FRMD5: variants seen among roughly 807,000 people sequenced by gnomAD.
FRMD5 encodes the protein FERM domain containing 5.
Under a neutral mutation model 69.0 loss-of-function variants are expected in FRMD5, and 20 were observed. The observed-to-expected ratio is 0.29, with a 90% CI of 0.20 to 0.42. FRMD5 has a LOEUF of 0.42. FRMD5 is among the 10% of genes least tolerant of loss of function. The probability of loss-of-function intolerance (pLI) is 1.00; values close to 1 mark genes in which losing one functional copy is unlikely to be tolerated. For synonymous variants in FRMD5, 271 were observed against 260.1 expected, an observed-to-expected ratio of 1.04 and a Z score of -0.40; for missense variants, 595 against 708.6, an observed-to-expected ratio of 0.84 and a Z score of 1.82.
At chr15:43,929,222 C>A (rs1166679756) in intron 1 of FRMD5, among the ~76,000 whole-genome samples, 1 of 152,132 alleles carries the variant, frequency 6.6e-6, no homozygotes, top group Non-Finnish European at 1.5e-5. Context: ...ACTGAGGTAG[C>A]AAGCAGTAAG....
intron 1 of FRMD5, among the ~76,000 whole-genome samples, chr15:44,194,009 C>T (rs985682774): frequency 6.6e-6 from 1 of 152,184 alleles, no homozygotes; most frequent in African/African-American, 2.4e-5. Context: ...CGGCGATGAG[C>T]GCAGGATCCT....
rs576866359 is a variant in FRMD5 at position 44,116,222 on chromosome 15, T to G, written c.102+78731A>C. 3.7e-4 allele frequency among the ~76,000 whole-genome samples: 56 copies of G among 149,362 alleles called. 1 individual carries two copies. In the East Asian group the frequency reaches 9.7e-3, roughly 26 times the overall value. On this transcript the variant is annotated intron_variant, in intron 1 of 13. Coordinates refer to ENST00000417257, the MANE Select transcript of FRMD5 (RefSeq NM_032892.5). ...CATATATAACTATATATATTATATA[T>G]ATATAGAGAGAGAGAGAGAGGGAGA...
chr15:43,991,210 A>G (rs1889660077), intron 1 of FRMD5, among the ~76,000 whole-genome samples: 2 of 152,330 alleles, frequency 1.3e-5, no homozygotes, highest in South Asian at 4.1e-4. Context: ...ATTTTTGAGC[A>G]CTGTACTTAA....
intron 1 of FRMD5, among the ~76,000 whole-genome samples, chr15:44,000,509 G>A (rs1255749480): frequency 2.0e-5 from 3 of 151,542 alleles, no homozygotes; most frequent in Non-Finnish European, 2.9e-5. Flanking sequence ...CCCCAGGCTG[G>A]AGTGCAGTGT....
chr15:44,047,273 C>T (rs1489523561), intron 1 of FRMD5, among the ~76,000 whole-genome samples: 3 of 152,008 alleles, frequency 2.0e-5, no homozygotes, highest in Admixed American at 6.6e-5. Context: ...CGTGCCACTG[C>T]ACTCCAGCCT....
chr15:43,955,079 T>C (rs565162920), intron 1 of FRMD5, among the ~76,000 whole-genome samples: 5 of 152,358 alleles, frequency 3.3e-5, no homozygotes, highest in African/African-American at 1.2e-4. Flanking sequence ...GCCTTTGATG[T>C]ATCTTGCTAA....
intron 13 of FRMD5, among the ~76,000 whole-genome samples, chr15:43,882,021 TCTG>T (rs1420255362): frequency 1.3e-5 from 2 of 152,124 alleles, no homozygotes; most frequent in African/African-American, 4.8e-5. Context: ...ATGAACCAAT[TCTG>T]CTGTTTCCCG....
At chr15:43,887,467 G>T (rs976828629) in intron 10 of FRMD5, among the ~76,000 whole-genome samples, 1 of 152,218 alleles carries the variant, frequency 6.6e-6, no homozygotes, top group African/African-American at 2.4e-5. Context: ...AGTCTCCCGA[G>T]TATATTCAGG....
chr15:43,951,988 G>C (rs2090040619), intron 1 of FRMD5, among the ~76,000 whole-genome samples: 1 of 114,280 alleles, frequency 8.8e-6, no homozygotes, highest in Non-Finnish European at 1.7e-5. Flanking sequence ...TGTTGTGTGT[G>C]TGTGTGTGTG....
At chr15:43,951,983 TGTGTGTGTGTGTGTGTCTGTGTGTGTGTG>T (rs2090039967) in intron 1 of FRMD5, among the ~76,000 whole-genome samples, 1 of 139,150 alleles carries the variant, frequency 7.2e-6, no homozygotes, top group African/African-American at 2.8e-5. Flanking sequence ...GTGTGTGTTG[TGTGTGTGTGTGTGTGTCTGTGTGTGTGTG>T]TGTGTGTGTG....
intron 1 of FRMD5, among the ~76,000 whole-genome samples, chr15:44,037,150 C>G (rs1198284678): frequency 6.6e-6 from 1 of 152,120 alleles, no homozygotes; most frequent in African/African-American, 2.4e-5. Context: ...CCCCCAACCC[C>G]CGACAGGCCC....
intron 13 of FRMD5, among the ~76,000 whole-genome samples, 189 bp downstream of exon 13, chr15:43,883,514 G>A (rs1032334867): frequency 6.6e-6 from 1 of 152,200 alleles, no homozygotes; most frequent in Non-Finnish European, 1.5e-5. Context: ...CTCCTGCTTA[G>A]ATACCCACAC....
intron 1 of FRMD5, among the ~76,000 whole-genome samples, chr15:43,949,010 T>A (rs2089987513): frequency 6.6e-6 from 1 of 152,214 alleles, no homozygotes; most frequent in Non-Finnish European, 1.5e-5. Flanking sequence ...AATCTAGAAT[T>A]TGGGGACCTC....
chr15:44,148,377 T>C (rs2077389418), intron 1 of FRMD5, among the ~76,000 whole-genome samples: 2 of 152,032 alleles, frequency 1.3e-5, no homozygotes, highest in South Asian at 2.1e-4. Context: ...GTTCACGCCA[T>C]TCTCCTGCCT....
rs201700276 is a variant in FRMD5 at position 43,873,937 on chromosome 15, C to T, written c.1661G>A (p.Arg554Gln). Residue 554 changes from arginine to glutamine, a missense_variant, in exon 14 of 14, where the codon CGA becomes CAA. Physicochemically the swap from Arg to Gln is conservative, Grantham distance 43. Around this residue, in one of 5 missense-constraint regions of FRMD5, gnomAD observed 245 missense variants for 227.1 expected, o/e 1.08. Transcript: ENST00000417257. ...TGAGCGGATTTTGCAGGCAAACCAT[C>T]GCCTGAGGGGACAAAAGTATTGATA... is the stretch of plus-strand genomic sequence containing the variant. The part of the protein sequence containing the change: ...FHYQYFCPLR[R>Q]WFACKIRSVV... 115 of 1,614,156 alleles carry T rather than the reference C, an allele frequency of 7.1e-5. No homozygotes were observed. The highest frequency in any genetic ancestry group is 8.3e-5 in the Admixed American group (5 of 60,018).
chr15:44,169,369 G>C (rs1442342067), intron 1 of FRMD5, among the ~76,000 whole-genome samples: 1 of 151,152 alleles, frequency 6.6e-6, no homozygotes, highest in Non-Finnish European at 1.5e-5. Flanking sequence ...TTTGGAATTA[G>C]AATCCTTCCA....
At chr15:44,008,958 G>A (rs1264155566) in intron 1 of FRMD5, among the ~76,000 whole-genome samples, 4 of 151,966 alleles carry the variant, frequency 2.6e-5, no homozygotes, top group African/African-American at 4.8e-5. Flanking sequence ...CCCGGGAGGC[G>A]GAGCTTGCAG....
chr15:43,989,186 G>T, intron 1 of FRMD5: 1 of 857,524 alleles, frequency 1.2e-6, no homozygotes, highest in Non-Finnish European at 2.0e-6. Context: ...GAGTACTTGC[G>T]CTTGGGAGGA....
At chr15:43,999,290 A>C (rs1387261199) in intron 1 of FRMD5, among the ~76,000 whole-genome samples, 1 of 151,840 alleles carries the variant, frequency 6.6e-6, no homozygotes, top group African/African-American at 2.4e-5. Context: ...CTGGTCTCGA[A>C]CTCCTGACCT....
Sources: allele counts gnomAD v4.1 joint callset (sites outside exome capture counted in the v4.1 genomes callset), GRCh38; gene constraint gnomAD v4.1.1; regional missense constraint gnomAD v4.1.1; transcripts MANE v1.5; gene names NCBI Gene and HGNC (gene_info 2026-07-23, HGNC 2026-07-21).